Variants in ZNF106 observed in about 807,000 individuals in gnomAD.
ZNF106 encodes zinc finger protein 106.
Under a neutral mutation model 195.1 loss-of-function variants are expected in ZNF106, and 67 were observed. The observed-to-expected ratio is 0.34, with a 90% CI of 0.28 to 0.42. The LOEUF is 0.42. ZNF106 is among the 10% of genes least tolerant of loss of function. ZNF106 has a pLI of 1.00. For synonymous variants in ZNF106, 784 were observed against 818.6 expected (o/e 0.96, Z 0.72); for missense variants, 2,118 against 2,304.5 (o/e 0.92, Z 1.66).
chr15:42,442,984 AT>A (rs764063672), intron 9 of ZNF106, among the ~76,000 whole-genome samples: 2 of 151,958 alleles, frequency 1.3e-5, no homozygotes, highest in South Asian at 2.1e-4. Flanking sequence ...GGGTTTCACC[AT>A]GTTGGTCAGG....
chr15:42,457,131 G>A lies in ZNF106; in HGVS notation c.144C>T (p.Cys48=), dbSNP rs1327750285. 7 of 1,613,880 alleles carry A rather than the reference G, an allele frequency of 4.3e-6. No homozygotes were observed. Among genetic ancestry groups the A allele is most frequent in the East Asian group, 2.2e-5 (1 of 44,868 alleles). ...GRDISHECRV[C]GVTEVGLSAY... ...CAGAAAGACCCACTTCTGTGACCCC[G>A]CACACTCGGCACTCATGACTAATGT... is the stretch of plus-strand genomic sequence containing the variant. The change falls in exon 4 of 22, where the codon TGC becomes TGT. Residue 48 remains cysteine (C), a synonymous_variant. Transcript: ENST00000564754.
intron 14 of ZNF106, among the ~76,000 whole-genome samples, chr15:42,432,728 A>C (rs1027826460): frequency 7.0e-6 from 1 of 143,636 alleles, no homozygotes; most frequent in Non-Finnish European, 1.5e-5. Context: ...AAAAAAAAAA[A>C]ATTTAATTGG....
chr15:42,467,196 TATAA>T (rs996038146), intron 2 of ZNF106, among the ~76,000 whole-genome samples: 1 of 152,118 alleles, frequency 6.6e-6, no homozygotes, highest in Admixed American at 6.5e-5. Flanking sequence ...CTCAAAAAGC[TATAA>T]ATGTCTATCC....
chr15:42,450,087 T>C lies in ZNF106; in HGVS notation c.2185A>G (p.Ser729Gly), dbSNP rs375293607. The change falls in exon 5 of 22, where the codon AGT (serine) becomes GGT (glycine). Residue 729 changes from serine to glycine, a missense_variant. By Grantham distance (56) the Ser-to-Gly change is moderately conservative. Transcript: ENST00000564754. The part of the protein sequence containing the change: ...SASLDAELQK[S>G]DISQPSGPLL... ...GGGCCCGAGGGCTGACTGATGTCACTTTTTTGAAGCTCTGCATCCAAGCTA... is the reference window on the plus strand; with the variant it reads ...GGGCCCGAGGGCTGACTGATGTCACCTTTTTGAAGCTCTGCATCCAAGCTA... 2.5e-6 allele frequency: 4 copies of C among 1,614,074 alleles called. No homozygotes were observed. The African/African-American group carries it at 5.3e-5, about 22-fold the overall frequency.
In ZNF106 at chr15:42,451,000, T is replaced by C; in HGVS notation, c.1272A>G (p.Pro424=). The C allele has an allele frequency of 3.1e-6, 5 of 1,614,218 alleles. No individual in the cohort carries two copies. Among genetic ancestry groups the C allele is most frequent in the Non-Finnish European group, 4.2e-6 (5 of 1,180,042 alleles). The change falls in exon 5 of 22, where the codon CCA becomes CCG. Residue 424 remains proline, a synonymous_variant. Transcript: ENST00000564754. ...GTATTTCTTTTTGTGTTTTCTGTGTTGGGGAATTACGTGTTTCATCAGTTT... is the reference window on the plus strand; with the variant it reads ...GTATTTCTTTTTGTGTTTTCTGTGTCGGGGAATTACGTGTTTCATCAGTTT... ...EPQTDETRNS[P]TQKTQKEIHT... is the part of the protein sequence containing the mutation.
In ZNF106 at chr15:42,439,484, T is replaced by G. The variant is rs780976102; in HGVS notation, c.4093A>C (p.Thr1365Pro). ...TTGCTTCCCCTAGTCTCAGCTGATG[T>G]CAAAGTGGATTCTGCCTGTTGTTCA... ...QPEQQAESTL[T>P]SAETRGSKKK... Residue 1365 changes from threonine (T) to proline (P), a missense_variant, in exon 11 of 22, where the codon ACA becomes CCA. Thr to Pro is a conservative substitution (Grantham distance 38, BLOSUM62 -1). Transcript: ENST00000564754. 16 of 1,614,028 alleles carry G rather than the reference T, an allele frequency of 9.9e-6. No individual in the cohort carries two copies. In the East Asian group the frequency reaches 2.2e-4, roughly 22 times the overall value.
At chr15:42,426,731 G>A (rs1332357876) in intron 15 of ZNF106, among the ~76,000 whole-genome samples, 1 of 151,944 alleles carries the variant, frequency 6.6e-6, no homozygotes, top group Non-Finnish European at 1.5e-5. Flanking sequence ...ATAATCTCAC[G>A]AAAGAGAAGG....
At chr15:42,438,731 A>G (rs1595452960) in intron 11 of ZNF106, 64 bp from the exon 12 acceptor site, 2 of 1,483,322 alleles carry the variant, frequency 1.3e-6, no homozygotes, top group Non-Finnish European at 9.3e-7. Flanking sequence ...TAAAAGTAAA[A>G]ATTTCTGACT....
intron 1 of ZNF106, among the ~76,000 whole-genome samples, chr15:42,486,790 A>G (rs1368448277): frequency 7.9e-5 from 12 of 151,798 alleles, no homozygotes; most frequent in Admixed American, 7.9e-4. Flanking sequence ...AGGACTTGTT[A>G]TATATATATA....
At chr15:42,475,973 G>A (rs1219262223) in intron 1 of ZNF106, among the ~76,000 whole-genome samples, 1 of 151,902 alleles carries the variant, frequency 6.6e-6, no homozygotes, top group Non-Finnish European at 1.5e-5. Flanking sequence ...GCTTTTATTT[G>A]ACAAAGCCAA....
At chr15:42,465,440 C>T (rs1314484229) in intron 3 of ZNF106, among the ~76,000 whole-genome samples, 1 of 151,838 alleles carries the variant, frequency 6.6e-6, no homozygotes, top group Non-Finnish European at 1.5e-5. Context: ...CTGCCACACC[C>T]ACCTAATTTC....
intron 10 of ZNF106, among the ~76,000 whole-genome samples, chr15:42,441,400 T>C (rs2055532290): frequency 6.6e-6 from 1 of 152,100 alleles, no homozygotes; most frequent in Non-Finnish European, 1.5e-5. Context: ...TGCAACATAG[T>C]ACTGGTAGTA....
chr15:42,421,981 T>C lies in ZNF106; in HGVS notation c.5381A>G (p.Asp1794Gly). The change falls in exon 19 of 22, where the codon GAT becomes GGT. Residue 1794 changes from aspartate to glycine, a missense_variant. Asp to Gly is a moderately conservative substitution (Grantham distance 94). Transcript: ENST00000564754. ...GTGTCCTCCATAAACTTGTAATCGA[T>C]CATGAGACTTAGGCAGAAAAAAAAA... Reference protein sequence around the residue: ...FVRVYELQSHDRLQVYGGHKD... With the variant: ...FVRVYELQSHGRLQVYGGHKD... 1 of 1,580,492 alleles carries C rather than the reference T, an allele frequency of 6.3e-7. No homozygotes were observed. The highest frequency in any genetic ancestry group is 8.6e-7 in the Non-Finnish European group (1 of 1,162,556).
intron 1 of ZNF106, among the ~76,000 whole-genome samples, chr15:42,474,853 C>T (rs2056752566): frequency 6.6e-6 from 1 of 152,124 alleles, no homozygotes; most frequent in African/African-American, 2.4e-5. Context: ...TCCTCAAGTC[C>T]CTGCTAGAGA....
chr15:42,417,769 T>C, intron 21 of ZNF106, 36 bp downstream of exon 21: 1 of 1,593,784 alleles, frequency 6.3e-7, no homozygotes, highest in Non-Finnish European at 8.5e-7. Context: ...AGCAGTCTAC[T>C]GAATCCCAGG....
chr15:42,424,893 G>A lies in ZNF106; in HGVS notation c.5131C>T (p.Arg1711Trp), dbSNP rs373130242. Residue 1711 changes from arginine (R) to tryptophan (W), a missense_variant, in exon 16 of 22, where the codon CGG (arginine) becomes TGG (tryptophan). Coordinates refer to ENST00000564754, the MANE Select transcript of ZNF106 (RefSeq NM_001366845.3). ...AGAGTTCTGAGGAGCAGTCCATTCC[G>A]GGCATCGCGTACACTAATTGTGCAG... ...YDCTISVRDARNGLLLRTLEG... is the reference protein window; with the variant it reads ...YDCTISVRDAWNGLLLRTLEG... 2.9e-5 allele frequency: 47 copies of A among 1,613,944 alleles called. No individual in the cohort carries two copies. Among genetic ancestry groups the A allele is most frequent in the Middle Eastern group, 3.3e-4 (2 of 6,078 alleles).
chr15:42,462,951 T>C (rs116113175), intron 3 of ZNF106, among the ~76,000 whole-genome samples: 1,460 of 137,758 alleles, frequency 0.011, 29 homozygotes, highest in African/African-American at 0.044. Flanking sequence ...CCTGGCTTTT[T>C]TTTGTTTTGT....
At chr15:42,464,102 G>A (rs965793179) in intron 3 of ZNF106, among the ~76,000 whole-genome samples, 5 of 147,776 alleles carry the variant, frequency 3.4e-5, no homozygotes, top group African/African-American at 4.9e-5. Context: ...AGCACTTTGG[G>A]AGGCCGAGGC....
intron 2 of ZNF106, among the ~76,000 whole-genome samples, chr15:42,467,040 G>C (rs555971885): frequency 6.6e-6 from 1 of 152,322 alleles, no homozygotes; most frequent in African/African-American, 2.4e-5. Flanking sequence ...GGCTGAGGCA[G>C]GAGAATCGCT....
Sources: gnomAD v4.1 joint callset for allele counts (sites outside exome capture counted in the v4.1 genomes callset) on GRCh38, gnomAD v4.1.1 for gene constraint, MANE v1.5 for transcripts, NCBI Gene and HGNC (gene_info 2026-07-23, HGNC 2026-07-21) for gene names.